DGKI: variants seen among roughly 807,000 people sequenced by gnomAD.
DGKI encodes diacylglycerol kinase iota.
DGKI carries 55 observed loss-of-function variants against 147.5 expected under a neutral mutation model. The observed-to-expected ratio is 0.37, with a 90% confidence interval of 0.30 to 0.47. The LOEUF (loss-of-function observed/expected upper bound fraction) is 0.47. Ranked by LOEUF, DGKI falls within the 20% of genes least tolerant of loss-of-function variation. The pLI is 1.00. For missense variants in DGKI, 1,007 were observed against 1,323.8 expected (o/e 0.76, Z 3.71); for synonymous variants, 469 against 477.1 (o/e 0.98, Z 0.22).
At chr7:137,812,329 T>C (rs958518687) in intron 1 of DGKI, among the ~76,000 whole-genome samples, 6 of 152,214 alleles carry the variant, frequency 3.9e-5, no homozygotes, top group African/African-American at 9.6e-5. Flanking sequence ...GCCTGGTACA[T>C]GGTAATTGCT....
At chr7:137,638,626 ATATGTG>A (rs1225055270) in intron 6 of DGKI, among the ~76,000 whole-genome samples, 2 of 9,188 alleles carry the variant, frequency 2.2e-4, no homozygotes, top group Admixed American at 1.1e-3. Flanking sequence ...ACACACATAT[ATATGTG>A]TGTATATATG....
intron 7 of DGKI, among the ~76,000 whole-genome samples, chr7:137,620,182 T>C (rs1391646413): frequency 6.6e-6 from 1 of 152,104 alleles, no homozygotes. Flanking sequence ...ACTTCAGATT[T>C]ATTCCGGTTT....
intron 20 of DGKI, among the ~76,000 whole-genome samples, chr7:137,531,166 T>C (rs834083): frequency 0.037 from 5,608 of 152,158 alleles, 263 homozygotes; most frequent in East Asian, 0.11. Flanking sequence ...AAATGGAAAT[T>C]AGACATAGAG....
chr7:137,471,595 G>A (rs1463795029), intron 23 of DGKI, among the ~76,000 whole-genome samples: 3 of 152,120 alleles, frequency 2.0e-5, no homozygotes, highest in African/African-American at 7.2e-5. Context: ...GTGGAACCCA[G>A]CAATGTGTTT....
At chr7:137,740,141 C>A (rs1436371147) in intron 1 of DGKI, among the ~76,000 whole-genome samples, 2 of 152,150 alleles carry the variant, frequency 1.3e-5, no homozygotes, top group African/African-American at 4.8e-5. Context: ...AGGATTCTGA[C>A]AAATTGAAGC....
chr7:137,741,433 GA>G (rs1795170426), intron 1 of DGKI, among the ~76,000 whole-genome samples: 1 of 152,172 alleles, frequency 6.6e-6, no homozygotes, highest in African/African-American at 2.4e-5. Flanking sequence ...ACTTAAAGAA[GA>G]AAATTAATCC....
At chr7:137,767,544 G>T (rs911956356) in intron 1 of DGKI, among the ~76,000 whole-genome samples, 6 of 105,812 alleles carry the variant, frequency 5.7e-5, no homozygotes, top group African/African-American at 1.2e-4. Flanking sequence ...AGAGTAGGAG[G>T]AAGAGGAAGA....
intron 21 of DGKI, among the ~76,000 whole-genome samples, chr7:137,506,400 C>T (rs1444884357): frequency 6.6e-6 from 1 of 152,070 alleles, no homozygotes; most frequent in Non-Finnish European, 1.5e-5. Flanking sequence ...CTGGAAAGGG[C>T]AAAAACTATG....
intron 21 of DGKI, among the ~76,000 whole-genome samples, chr7:137,509,417 G>A (rs564302075): frequency 8.5e-5 from 13 of 152,270 alleles, no homozygotes; most frequent in African/African-American, 2.6e-4. Context: ...AGAGAGATAC[G>A]AAGTCCAAGG....
intron 28 of DGKI, among the ~76,000 whole-genome samples, chr7:137,424,618 G>T (rs967741308): frequency 2.6e-5 from 4 of 152,188 alleles, no homozygotes; most frequent in Non-Finnish European, 5.9e-5. Flanking sequence ...AGGGGTCAGG[G>T]AGTTCCCTTT....
At chr7:137,735,275 T>G (rs1366273356) in intron 1 of DGKI, among the ~76,000 whole-genome samples, 1 of 152,170 alleles carries the variant, frequency 6.6e-6, no homozygotes, top group Admixed American at 6.6e-5. Context: ...ACTTTTGTTT[T>G]AGCAACGCTA....
chr7:137,532,078 C>CAA (rs202231977), intron 20 of DGKI, among the ~76,000 whole-genome samples: 1 of 149,712 alleles, frequency 6.7e-6, no homozygotes, highest in African/African-American at 2.5e-5. Context: ...ATAAAAATAT[C>CAA]AAAAAAAACA....
chr7:137,648,615 C>T (rs375647269), intron 5 of DGKI, among the ~76,000 whole-genome samples: 1 of 152,226 alleles, frequency 6.6e-6, no homozygotes, highest in South Asian at 2.1e-4. Flanking sequence ...GATTCATATC[C>T]CAGGACAGAG....
intron 21 of DGKI, among the ~76,000 whole-genome samples, chr7:137,495,119 TGACCCCACA>T (rs1815914503): frequency 6.6e-6 from 1 of 152,204 alleles, no homozygotes; most frequent in Admixed American, 6.5e-5. Flanking sequence ...GTGACACTTC[TGACCCCACA>T]GAAATATAAA....
chr7:137,395,901 C>T, intron 31 of DGKI: 1 of 534,658 alleles, frequency 1.9e-6, no homozygotes, highest in Non-Finnish European at 3.3e-6. Context: ...TAATATCTGA[C>T]TCTAGCCCCC....
chr7:137,846,338 A>C lies in DGKI; in HGVS notation c.401+124T>G. ...AGACATCCCCGGGAGGAGAGGGGGA[A>C]AGGGGGAAGGAGAGGCGTGGAAACA... On this transcript the variant is annotated intron_variant, in intron 1 of 32. Coordinates refer to ENST00000614521, the MANE Select transcript of DGKI (RefSeq NM_001321708.2). This position sits in a 1 kb window ranked among gnomAD's most constrained non-coding sequence, Gnocchi z 4.0. The C allele has an allele frequency of 3.7e-6, 2 of 535,308 alleles. No individual in the cohort carries two copies. Among genetic ancestry groups the C allele is most frequent in the Non-Finnish European group, 3.2e-6 (1 of 315,414 alleles). 33.2% of individuals were successfully genotyped at this position (535,308 alleles called of 1,614,324 possible). A position where few individuals can be genotyped will look rare whatever the true frequency, so the allele number is the denominator to read the frequency against.
chr7:137,779,053 T>A (rs962190488), intron 1 of DGKI, among the ~76,000 whole-genome samples: 1 of 152,186 alleles, frequency 6.6e-6, no homozygotes, highest in African/African-American at 2.4e-5. Flanking sequence ...TACATTAATC[T>A]TGAAAACAGA....
rs1562999940 is a variant in DGKI, at chr7:137,407,955, T to C, written c.2840A>G (p.Gln947Arg). The change falls in exon 30 of 33, where the codon CAG becomes CGG. Residue 947 changes from glutamine to arginine, a missense_variant. Gln to Arg is a conservative substitution (Grantham distance 43). Transcript: ENST00000614521. ...AAGGAGTGAACAGTGGTCTGGTCCC[T>C]GAATTAGCAGACTGCCTCCATTTTT... ...SYKNGGSLLI[Q>R]GPDHCSLLHY... The C allele has an allele frequency of 6.2e-7, 1 of 1,613,778 alleles. No homozygotes were observed. Among genetic ancestry groups the C allele is most frequent in the Non-Finnish European group, 8.5e-7 (1 of 1,179,920 alleles).
intron 21 of DGKI, among the ~76,000 whole-genome samples, chr7:137,503,870 C>T (rs965618348): frequency 6.6e-6 from 1 of 152,130 alleles, no homozygotes; most frequent in Non-Finnish European, 1.5e-5. Flanking sequence ...CATTTTTACC[C>T]TTAATTCTAT....
Sources: allele counts gnomAD v4.1 joint callset (sites outside exome capture counted in the v4.1 genomes callset), GRCh38; gene constraint gnomAD v4.1.1; non-coding constraint Gnocchi (gnomAD v3.1); transcripts MANE v1.5; gene names NCBI Gene and HGNC (gene_info 2026-07-23, HGNC 2026-07-21).